The following AP3M2 variants were observed in gnomAD, a reference collection of about 807,000 sequenced individuals.
AP3M2 encodes the protein AP-3 complex subunit mu-2.
A neutral mutation model predicts 41.6 loss-of-function variants in AP3M2; 28 were observed. The observed-to-expected ratio is 0.67, with a 90% CI of 0.50 to 0.92. AP3M2 has a LOEUF of 0.92. Ranked by LOEUF, AP3M2 falls within the 40% of genes least tolerant of loss-of-function variation. The pLI, the probability that AP3M2 is intolerant of heterozygous loss-of-function variation, is 0.00. For synonymous variants in AP3M2, 193 were observed against 186.4 expected, an observed-to-expected ratio of 1.04 and a Z score of -0.29; for missense variants, 427 against 521.4, an observed-to-expected ratio of 0.82 and a Z score of 1.76.
Position 42,170,392 on chromosome 8 carries a change from A to G in AP3M2, c.*1331A>G, listed in dbSNP as rs1214858777. On this transcript the variant is annotated 3_prime_UTR_variant, in exon 9 of 9. Coordinates refer to ENST00000396926, the MANE Select transcript of AP3M2 (RefSeq NM_006803.4). ...ATGGGTGTAAGCAACCCAGTTTAAGAAACATGGCAACTAAAGGGATACCTC... is the reference window on the plus strand; with the variant it reads ...ATGGGTGTAAGCAACCCAGTTTAAGGAACATGGCAACTAAAGGGATACCTC... 1.3e-5 allele frequency: 2 copies of G among 152,234 alleles called. No homozygotes were observed. The highest frequency in any genetic ancestry group is 4.8e-5 in the African/African-American group (2 of 41,464). 9.4% of individuals were successfully genotyped at this position (152,234 alleles called of 1,614,324 possible).
intron 3 of AP3M2, among the ~76,000 whole-genome samples, chr8:42,161,867 G>A (rs1487720108): frequency 6.6e-6 from 1 of 152,082 alleles, no homozygotes; most frequent in Non-Finnish European, 1.5e-5. Context: ...GTACATTTTA[G>A]TACCTACCAT....
At chr8:42,166,809 A>C (rs985095414) in intron 6 of AP3M2, 9 of 242,548 alleles carry the variant, frequency 3.7e-5, no homozygotes, top group Middle Eastern at 1.7e-3. Context: ...TGAGCTATGA[A>C]TATTATACTC....
In AP3M2 at chr8:42,167,350, C is replaced by A. The variant is rs766750104; in HGVS notation, c.990C>A (p.His330Gln). 68 of 1,614,024 alleles carry A rather than the reference C, an allele frequency of 4.2e-5. No homozygotes were observed. The highest frequency in any genetic ancestry group is 5.6e-5 in the Non-Finnish European group (66 of 1,180,008). ...NMSLTPSQGT[H>Q]TFDPVTKMLS... is the part of the protein sequence containing the mutation. Reference sequence around the variant, plus strand: ...GCCTTACTCCATCACAGGGGACACACACATTCGACCCAGTCACAAAGGTAG... The same window carrying A: ...GCCTTACTCCATCACAGGGGACACAAACATTCGACCCAGTCACAAAGGTAG... The change falls in exon 7 of 9, where the codon CAC becomes CAA. Residue 330 changes from histidine to glutamine, a missense_variant. Physicochemically the swap from His to Gln is conservative, Grantham distance 24 (BLOSUM62 0). Transcript: ENST00000396926.
At chr8:42,165,739 C>T in intron 6 of AP3M2, 179 bp downstream of exon 6, 1 of 583,176 alleles carries the variant, frequency 1.7e-6, no homozygotes, top group East Asian at 3.0e-5. Context: ...CTTTTCTCAT[C>T]TGTAAATTGA....
In AP3M2 at chr8:42,170,708, T is replaced by C. The variant is rs1159280570; in HGVS notation, c.*1647T>C. 1.3e-5 allele frequency: 2 copies of C among 152,244 alleles called. No individual in the cohort carries two copies. Among genetic ancestry groups the C allele is most frequent in the Non-Finnish European group, 2.9e-5 (2 of 68,044 alleles). 9.4% of individuals were successfully genotyped at this position (152,244 alleles called of 1,614,324 possible). Reference sequence around the variant, plus strand: ...GTGTACTGTACACAACCAGATGTGTTCCACACTCCGTGACTCCGCAGTTTG... The same window carrying C: ...GTGTACTGTACACAACCAGATGTGTCCCACACTCCGTGACTCCGCAGTTTG... On this transcript the variant is annotated 3_prime_UTR_variant, in exon 9 of 9. Coordinates refer to ENST00000396926, the MANE Select transcript of AP3M2 (RefSeq NM_006803.4).
intron 4 of AP3M2, among the ~76,000 whole-genome samples, chr8:42,164,044 G>T (rs1169656941): frequency 1.3e-5 from 2 of 152,020 alleles, no homozygotes; most frequent in East Asian, 3.9e-4. Context: ...AAGTGGGGTG[G>T]GCCTGAAGGC....
Position 42,167,767 on chromosome 8 carries a change from C to G in AP3M2, c.1113C>G (p.Pro371=). Residue 371 remains proline, a synonymous_variant, in exon 8 of 9, where the codon CCC becomes CCG. Coordinates refer to ENST00000396926, the MANE Select transcript of AP3M2 (RefSeq NM_006803.4). ...QAGASKPDEN[P]TINLQFKIQQ... ...GAGCTTCCAAACCAGATGAAAACCCCACAATTAACCTGCAGTTTAAGATCC... is the reference window on the plus strand; with the variant it reads ...GAGCTTCCAAACCAGATGAAAACCCGACAATTAACCTGCAGTTTAAGATCC... The G allele has an allele frequency of 6.2e-7, 1 of 1,614,080 alleles. No individual in the cohort carries two copies. The highest frequency in any genetic ancestry group is 1.3e-5 in the African/African-American group (1 of 75,030).
chr8:42,157,880 T>C lies in AP3M2; in HGVS notation c.274-61T>C, dbSNP rs1804399255. ...CCTTATTCTCTGTAGGCACATTCTTTTATTTATTTATTTATTTTACAGTAT... is the reference window on the plus strand; with the variant it reads ...CCTTATTCTCTGTAGGCACATTCTTCTATTTATTTATTTATTTTACAGTAT... On this transcript the variant is annotated intron_variant, in intron 2 of 8. Transcript: ENST00000396926. The C allele has an allele frequency of 1.2e-5, 17 of 1,451,832 alleles. 1 individual carries two copies. In the South Asian group the frequency reaches 2.2e-4, roughly 19 times the overall value. 89.9% of individuals were successfully genotyped at this position (1,451,832 alleles called of 1,614,324 possible).
intron 3 of AP3M2, among the ~76,000 whole-genome samples, chr8:42,158,436 A>G (rs145593061): frequency 0.01 from 1,570 of 151,734 alleles, 27 homozygotes; most frequent in African/African-American, 0.037. Context: ...TTTAGTAGAG[A>G]TGGTGTTTCA....
intron 6 of AP3M2, among the ~76,000 whole-genome samples, chr8:42,166,376 A>G (rs1045960203): frequency 2.0e-5 from 3 of 152,106 alleles, no homozygotes; most frequent in Non-Finnish European, 4.4e-5. Flanking sequence ...TACTCAATAC[A>G]TGTTAGGAAC....
At chr8:42,157,696 G>A (rs539041503) in intron 2 of AP3M2, among the ~76,000 whole-genome samples, 18 of 152,158 alleles carry the variant, frequency 1.2e-4, no homozygotes, top group Non-Finnish European at 2.5e-4. Flanking sequence ...TAACCCAAAA[G>A]ATTTAAGTTC....
At chr8:42,160,785 T>G (rs1564117074) in intron 3 of AP3M2, among the ~76,000 whole-genome samples, 2 of 152,238 alleles carry the variant, frequency 1.3e-5, no homozygotes, top group Non-Finnish European at 2.9e-5. Context: ...TTTTTAGGCT[T>G]TCCTGCCTTT....
At chr8:42,160,607 G>A (rs1214872160) in intron 3 of AP3M2, among the ~76,000 whole-genome samples, 1 of 152,178 alleles carries the variant, frequency 6.6e-6, no homozygotes, top group Non-Finnish European at 1.5e-5. Context: ...AGTCTAGTTT[G>A]TGATTTTATT....
chr8:42,155,890 T>G, intron 2 of AP3M2: 1 of 431,212 alleles, frequency 2.3e-6, no homozygotes, highest in South Asian at 1.7e-5. Context: ...TTCCTTCTCT[T>G]GTACTCATAT....
At position 42,167,343 on chromosome 8, in the gene AP3M2, G is replaced by A. The variant is rs1397796627; in HGVS notation, c.983G>A (p.Gly328Glu). The A allele has an allele frequency of 6.2e-7, 1 of 1,614,144 alleles. No individual in the cohort carries two copies. The highest frequency in any genetic ancestry group is 2.2e-5 in the East Asian group (1 of 44,886). Reference sequence around the variant, plus strand: ...AACATGAGCCTTACTCCATCACAGGGGACACACACATTCGACCCAGTCACA... The same window carrying A: ...AACATGAGCCTTACTCCATCACAGGAGACACACACATTCGACCCAGTCACA... ...VLNMSLTPSQ[G>E]THTFDPVTKM... The change falls in exon 7 of 9, where the codon GGG becomes GAG. Residue 328 changes from glycine to glutamate, a missense_variant. Coordinates refer to ENST00000396926, the MANE Select transcript of AP3M2 (RefSeq NM_006803.4).
rs1343765154 is a variant in AP3M2 at position 42,167,320 on chromosome 8, C to T, written c.960C>T (p.Asn320=). ...VTSQMPKGVL[N]MSLTPSQGTH... The stretch of plus-strand genomic sequence containing the variant: ...GCCAGATGCCCAAGGGGGTCCTGAA[C>T]ATGAGCCTTACTCCATCACAGGGGA... The change falls in exon 7 of 9, where the codon AAC becomes AAT. Residue 320 remains asparagine, a synonymous_variant. Transcript: ENST00000396926. The T allele has an allele frequency of 3.7e-6, 6 of 1,614,074 alleles. No homozygotes were observed. Among genetic ancestry groups the T allele is most frequent in the East Asian group, 2.2e-5 (1 of 44,886 alleles).
chr8:42,168,906 C>T, intron 8 of AP3M2, 55 bp from the exon 9 acceptor site: 1 of 1,369,948 alleles, frequency 7.3e-7, no homozygotes, highest in Non-Finnish European at 1.0e-6. Flanking sequence ...AGTTAGGCGA[C>T]CTGCTCCTTT....
At chr8:42,159,887 G>C (rs928937482) in intron 3 of AP3M2, among the ~76,000 whole-genome samples, 3 of 152,164 alleles carry the variant, frequency 2.0e-5, no homozygotes, top group African/African-American at 7.2e-5. Flanking sequence ...TTGTTGGGAG[G>C]ATTTGCCCTG....
At chr8:42,164,529 G>A (rs1371191901) in intron 4 of AP3M2, among the ~76,000 whole-genome samples, 4 of 152,172 alleles carry the variant, frequency 2.6e-5, no homozygotes, top group Non-Finnish European at 5.9e-5. Flanking sequence ...AGAACCTGCC[G>A]AAGACACTGA....
Sources: gnomAD v4.1 joint callset for allele counts (sites outside exome capture counted in the v4.1 genomes callset) on GRCh38, gnomAD v4.1.1 for gene constraint, MANE v1.5 for transcripts, NCBI Gene and HGNC (gene_info 2026-07-23, HGNC 2026-07-21) for gene names.